GRHL2: variants seen among roughly 807,000 people sequenced by gnomAD.
The protein encoded by GRHL2 is grainyhead-like protein 2 homolog.
A neutral mutation model predicts 83.8 loss-of-function variants in GRHL2; 21 were observed. The ratio of observed to expected loss-of-function variants is 0.25; its 90% CI spans 0.18 to 0.36. The LOEUF (loss-of-function observed/expected upper bound fraction) is 0.36, where lower values mean the gene tolerates loss of function less well. Among genes scored for constraint, GRHL2 ranks in the 10% least tolerant of loss-of-function variants. The pLI is 1.00. For missense variants in GRHL2, 623 were observed against 781.8 expected, an observed-to-expected ratio of 0.80 and a Z score of 2.42; for synonymous variants, 280 against 278.9, an observed-to-expected ratio of 1.00 and a Z score of -0.04.
At chr8:101,595,319 T>A (rs556510922) in intron 7 of GRHL2, among the ~76,000 whole-genome samples, 2 of 152,342 alleles carry the variant, frequency 1.3e-5, no homozygotes, top group East Asian at 3.9e-4. Flanking sequence ...ACAGAAGACA[T>A]TTTTTATGTG....
At chr8:101,507,154 C>T (rs1053156232) in intron 1 of GRHL2, among the ~76,000 whole-genome samples, 6 of 152,260 alleles carry the variant, frequency 3.9e-5, no homozygotes, top group South Asian at 4.1e-4. Flanking sequence ...TTATCATTGA[C>T]TTGTGAGAGC....
chr8:101,612,928 T>C (rs1441861084), intron 8 of GRHL2, among the ~76,000 whole-genome samples: 1 of 150,776 alleles, frequency 6.6e-6, no homozygotes, highest in Admixed American at 6.6e-5. Context: ...ATTCAAATAA[T>C]TGTATGGGCG....
At chr8:101,520,466 A>G (rs1810660685) in intron 1 of GRHL2, among the ~76,000 whole-genome samples, 1 of 152,172 alleles carries the variant, frequency 6.6e-6, no homozygotes, top group Non-Finnish European at 1.5e-5. Flanking sequence ...TCCTTAGTTT[A>G]TCCTTCCTGG....
chr8:101,493,635 C>T (rs1810022750), intron 1 of GRHL2, among the ~76,000 whole-genome samples: 1 of 152,110 alleles, frequency 6.6e-6, no homozygotes, highest in Non-Finnish European at 1.5e-5. Flanking sequence ...AGCTCGCGGC[C>T]CTCCACGCAG....
At chr8:101,522,721 T>TTATACATATTCATATACATATACA (rs1554582876) in intron 1 of GRHL2, among the ~76,000 whole-genome samples, 5 of 149,612 alleles carry the variant, frequency 3.3e-5, no homozygotes, top group Admixed American at 6.6e-5. Context: ...ACAAGTATGT[T>TTATACATATTCATATACATATACA]TATACATATA....
intron 9 of GRHL2, among the ~76,000 whole-genome samples, chr8:101,625,170 A>G (rs1813057009): frequency 1.3e-5 from 2 of 152,074 alleles, no homozygotes; most frequent in Admixed American, 6.6e-5. Flanking sequence ...CCCCTCCATG[A>G]ATCCCCTTCT....
intron 1 of GRHL2, among the ~76,000 whole-genome samples, chr8:101,514,791 G>T (rs1756546887): frequency 6.6e-6 from 1 of 152,126 alleles, no homozygotes; most frequent in African/African-American, 2.4e-5. Context: ...ATGTTAGGAT[G>T]GGGCTCTCTG....
intron 1 of GRHL2, chr8:101,529,357 C>T (rs1810872893): frequency 5.9e-6 from 1 of 170,158 alleles, no homozygotes; most frequent in East Asian, 1.9e-4. Flanking sequence ...CGCTTGAACC[C>T]GGGAGGCGGA....
chr8:101,663,949 A>G (rs532486905), intron 14 of GRHL2, among the ~76,000 whole-genome samples: 1 of 146,154 alleles, frequency 6.8e-6, no homozygotes, highest in East Asian at 2.0e-4. Context: ...TGTTGTTTTT[A>G]TTAACCTTTC....
intron 7 of GRHL2, among the ~76,000 whole-genome samples, chr8:101,593,166 G>C (rs1454275965): frequency 6.6e-6 from 1 of 151,902 alleles, no homozygotes; most frequent in Non-Finnish European, 1.5e-5. Context: ...GGCTGGTCTT[G>C]AACTCCTGAC....
At chr8:101,525,153 G>C (rs2130061750) in intron 1 of GRHL2, among the ~76,000 whole-genome samples, 1 of 152,292 alleles carries the variant, frequency 6.6e-6, no homozygotes, top group African/African-American at 2.4e-5. Context: ...ATGTTGGTCA[G>C]GCTGGTCTCG....
chr8:101,554,547 T>C (rs150692386), intron 3 of GRHL2, among the ~76,000 whole-genome samples: 26 of 152,346 alleles, frequency 1.7e-4, no homozygotes, highest in African/African-American at 6.0e-4. Flanking sequence ...CAGTGAAGTA[T>C]AGACTAAACT....
intron 3 of GRHL2, among the ~76,000 whole-genome samples, chr8:101,553,233 C>G (rs2130158099): frequency 6.6e-6 from 1 of 152,316 alleles, no homozygotes; most frequent in South Asian, 2.1e-4. Context: ...ACTGTAAGGG[C>G]TATCGCTGTC....
chr8:101,529,086 A>G (rs1810866239), intron 1 of GRHL2: 3 of 385,172 alleles, frequency 7.8e-6, no homozygotes, highest in Non-Finnish European at 1.5e-5. Context: ...CCTCTTTGAC[A>G]GGGATTTCTA....
intron 1 of GRHL2, among the ~76,000 whole-genome samples, chr8:101,518,836 T>C (rs1366778440): frequency 6.6e-6 from 1 of 152,210 alleles, no homozygotes. Flanking sequence ...TCTACTCCTT[T>C]GGGCTTCTGT....
At chr8:101,647,927 T>G (rs1380764393) in intron 13 of GRHL2, among the ~76,000 whole-genome samples, 3 of 152,114 alleles carry the variant, frequency 2.0e-5, no homozygotes, top group Non-Finnish European at 4.4e-5. Context: ...GATTTCATTT[T>G]CTAGTTTCAA....
At chr8:101,654,830 T>C (rs1813749761) in intron 14 of GRHL2, among the ~76,000 whole-genome samples, 1 of 152,162 alleles carries the variant, frequency 6.6e-6, no homozygotes, top group South Asian at 2.1e-4. Flanking sequence ...GGGCTGTTCT[T>C]ATACTCAGCA....
At chr8:101,644,385 C>CT (rs1813467133) in intron 13 of GRHL2, among the ~76,000 whole-genome samples, 160 bp downstream of exon 13, 1 of 152,238 alleles carries the variant, frequency 6.6e-6, no homozygotes, top group African/African-American at 2.4e-5. Flanking sequence ...GCTTTAAACT[C>CT]TGTCCTTTCA....
chr8:101,650,209 T>C (rs58685612), intron 14 of GRHL2, among the ~76,000 whole-genome samples: 3,619 of 152,304 alleles, frequency 0.024, 133 homozygotes, highest in African/African-American at 0.081. Flanking sequence ...TTTGGAAAAC[T>C]GCTACATTGG....
Sources: gnomAD v4.1 joint callset for allele counts (sites outside exome capture counted in the v4.1 genomes callset) on GRCh38, gnomAD v4.1.1 for gene constraint, MANE v1.5 for transcripts, NCBI Gene and HGNC (gene_info 2026-07-23, HGNC 2026-07-21) for gene names.